Variants in FRMD4A observed in about 807,000 individuals in gnomAD.
FRMD4A encodes FERM domain containing 4A.
A neutral mutation model predicts 129.1 loss-of-function variants in FRMD4A; 29 were observed. The ratio of observed to expected loss-of-function variants is 0.22; its 90% CI spans 0.17 to 0.31. The LOEUF is 0.31. FRMD4A is among the 10% of genes least tolerant of loss of function. The pLI is 1.00. For synonymous variants in FRMD4A, 634 were observed against 571.6 expected, an observed-to-expected ratio of 1.11 and a Z score of -1.56; for missense variants, 1,272 against 1,375.8, an observed-to-expected ratio of 0.92 and a Z score of 1.19.
intron 22 of FRMD4A, chr10:13,656,020 A>G (rs2082113781): frequency 1.3e-5 from 2 of 152,212 alleles, no homozygotes. Flanking sequence ...AACTTTATAG[A>G]AATTTTCAGA....
intron 12 of FRMD4A, among the ~76,000 whole-genome samples, chr10:13,734,653 C>G (rs4748053): frequency 0.16 from 17,979 of 110,750 alleles, 1,324 homozygotes; most frequent in Non-Finnish European, 0.25. Context: ...TTCTCTTCTC[C>G]TTACACCCAG....
At position 14,210,408 on chromosome 10, in the gene FRMD4A, G is replaced by GT. The variant is rs1338801617; in HGVS notation, c.45+119649dup. Among the ~76,000 whole-genome samples, 6 of 152,236 alleles carry GT rather than the reference G, an allele frequency of 3.9e-5. No individual in the cohort carries two copies. The East Asian group carries it at 1.2e-3, about 29-fold the overall frequency. On this transcript the variant is annotated intron_variant, in intron 2 of 24. Coordinates refer to ENST00000357447, the MANE Select transcript of FRMD4A (RefSeq NM_018027.5). ...GTTTATAAGCTACTTAGTTTATGGT[G>GT]TTTTGTTACAGCAGCCCAAACAGAC...
chr10:14,310,573 C>T (rs965459238), intron 2 of FRMD4A, among the ~76,000 whole-genome samples: 1 of 152,180 alleles, frequency 6.6e-6, no homozygotes, highest in Non-Finnish European at 1.5e-5. Flanking sequence ...CTCCATCCTC[C>T]CTTTTCTTTG....
At chr10:14,135,800 T>C (rs1438278226) in intron 2 of FRMD4A, among the ~76,000 whole-genome samples, 1 of 152,232 alleles carries the variant, frequency 6.6e-6, no homozygotes, top group African/African-American at 2.4e-5. Flanking sequence ...GTGCTTTATT[T>C]TATTTTGCGG....
chr10:13,818,409 A>G (rs895781062), intron 3 of FRMD4A, among the ~76,000 whole-genome samples: 6 of 152,016 alleles, frequency 3.9e-5, no homozygotes, highest in Non-Finnish European at 8.8e-5. Context: ...GCCTCAAGTG[A>G]CCCTTTTTCT....
At chr10:13,842,780 G>T (rs532444877) in intron 3 of FRMD4A, among the ~76,000 whole-genome samples, 1 of 152,264 alleles carries the variant, frequency 6.6e-6, no homozygotes, top group Admixed American at 6.5e-5. Context: ...AGTGAGCTAT[G>T]ATCACGCCAC....
intron 17 of FRMD4A, among the ~76,000 whole-genome samples, chr10:13,666,981 T>C (rs944606576): frequency 1.3e-5 from 2 of 150,678 alleles, no homozygotes; most frequent in Admixed American, 1.3e-4. Context: ...GTGCAATCTC[T>C]GCTCACTGTA....
At chr10:14,119,175 A>G (rs959494095) in intron 2 of FRMD4A, among the ~76,000 whole-genome samples, 35 of 152,196 alleles carry the variant, frequency 2.3e-4, no homozygotes, top group African/African-American at 8.0e-4. Flanking sequence ...TAGACACAGC[A>G]GAGGGTGACT....
At chr10:13,699,054 CTTT>C (rs34061856) in intron 14 of FRMD4A, among the ~76,000 whole-genome samples, 2 of 128,188 alleles carry the variant, frequency 1.6e-5, no homozygotes, top group Non-Finnish European at 3.2e-5. Flanking sequence ...CTACAATAAT[CTTT>C]TTTTTTTTTT....
intron 2 of FRMD4A, among the ~76,000 whole-genome samples, chr10:14,043,865 C>T (rs568281578): frequency 1.3e-5 from 2 of 152,270 alleles, no homozygotes; most frequent in South Asian, 2.1e-4. Flanking sequence ...CTTGCCCTCT[C>T]GCCCAGACTG....
At chr10:13,661,784 A>G (rs1369558660) in intron 19 of FRMD4A, among the ~76,000 whole-genome samples, 1 of 152,104 alleles carries the variant, frequency 6.6e-6, no homozygotes, top group Non-Finnish European at 1.5e-5. Flanking sequence ...TGGGAGGTGG[A>G]GGGGAAAAAA....
At position 14,315,204 on chromosome 10, in the gene FRMD4A, C is replaced by A. The variant is rs543597985; in HGVS notation, c.45+14854G>T. ...TCTCCCCAGGTGGTTTTCATCCTTT[C>A]TAACCATCACCCGAATATTGATGAC... On this transcript the variant is annotated intron_variant, in intron 2 of 24. Transcript: ENST00000357447. Among the ~76,000 whole-genome samples, 3 of 152,202 alleles carry A rather than the reference C, an allele frequency of 2.0e-5. No homozygotes were observed. In the South Asian group the frequency reaches 6.2e-4, roughly 32 times the overall value.
chr10:13,962,013 T>C (rs1403272535), intron 2 of FRMD4A, among the ~76,000 whole-genome samples: 2 of 149,546 alleles, frequency 1.3e-5, no homozygotes, highest in African/African-American at 4.9e-5. Context: ...ATTAGTTATT[T>C]GTTAGATAAA....
intron 2 of FRMD4A, among the ~76,000 whole-genome samples, chr10:14,038,009 C>T (rs1309076318): frequency 1.3e-5 from 2 of 152,158 alleles, no homozygotes; most frequent in Admixed American, 1.3e-4. Context: ...GAACCATCTA[C>T]TCACTGAAGT....
intron 2 of FRMD4A, among the ~76,000 whole-genome samples, chr10:14,005,976 C>A (rs1423029378): frequency 2.6e-5 from 4 of 152,184 alleles, no homozygotes; most frequent in African/African-American, 7.2e-5. Flanking sequence ...GCCTGGCGCC[C>A]TTAGAGCCGC....
At chr10:14,079,217 G>A (rs1347015897) in intron 2 of FRMD4A, among the ~76,000 whole-genome samples, 1 of 152,154 alleles carries the variant, frequency 6.6e-6, no homozygotes, top group Admixed American at 6.5e-5. Flanking sequence ...GTTTACATAC[G>A]GAGGTGGAAA....
At chr10:14,307,895 G>A (rs1846406184) in intron 2 of FRMD4A, among the ~76,000 whole-genome samples, 1 of 152,112 alleles carries the variant, frequency 6.6e-6, no homozygotes. Context: ...CTTTACTGGG[G>A]TCCTTACTTC....
At chr10:13,985,375 G>A (rs371354922) in intron 2 of FRMD4A, among the ~76,000 whole-genome samples, 1 of 152,210 alleles carries the variant, frequency 6.6e-6, no homozygotes, top group South Asian at 2.1e-4. Flanking sequence ...GAGGACGCCT[G>A]CTGAGCACCT....
intron 2 of FRMD4A, among the ~76,000 whole-genome samples, chr10:14,104,289 C>T (rs1685690814): frequency 6.6e-6 from 1 of 152,084 alleles, no homozygotes; most frequent in Non-Finnish European, 1.5e-5. Context: ...GTCTACACTG[C>T]CATCGACGTT....
Sources: allele counts gnomAD v4.1 joint callset (sites outside exome capture counted in the v4.1 genomes callset), GRCh38; gene constraint gnomAD v4.1.1; transcripts MANE v1.5; gene names NCBI Gene and HGNC (gene_info 2026-07-23, HGNC 2026-07-21).